The following ZSWIM4 variants were observed in gnomAD, a reference collection of about 807,000 sequenced individuals.
The protein encoded by ZSWIM4 is zinc finger SWIM-type containing 4.
Under a neutral mutation model 102.5 loss-of-function variants are expected in ZSWIM4, and 62 were observed. The observed-to-expected ratio is 0.60, with a 90% CI of 0.49 to 0.75. The LOEUF (loss-of-function observed/expected upper bound fraction) is 0.75, where lower values mean the gene tolerates loss of function less well. Ranked by LOEUF, ZSWIM4 falls within the 30% of genes least tolerant of loss-of-function variation. The probability of loss-of-function intolerance (pLI) is 0.00; values close to 1 mark genes in which losing one functional copy is unlikely to be tolerated. For missense variants in ZSWIM4, 1,280 were observed against 1,529.6 expected, an observed-to-expected ratio of 0.84 and a Z score of 2.72; for synonymous variants, 652 against 674.5, an observed-to-expected ratio of 0.97 and a Z score of 0.52.
intron 3 of ZSWIM4, among the ~76,000 whole-genome samples, chr19:13,806,560 G>A (rs2145280165): frequency 6.6e-6 from 1 of 152,060 alleles, no homozygotes; most frequent in Non-Finnish European, 1.5e-5. Context: ...TAGATACTTG[G>A]GAAGCTGAGA....
At chr19:13,823,266 G>A (rs2071756316) in intron 10 of ZSWIM4, 80 bp from the exon 11 acceptor site, 3 of 1,474,940 alleles carry the variant, frequency 2.0e-6, no homozygotes, top group Non-Finnish European at 9.2e-7. Flanking sequence ...GGGAGGCTGG[G>A]CCAGGAGGCT....
intron 2 of ZSWIM4, among the ~76,000 whole-genome samples, chr19:13,803,620 A>G (rs1475380867): frequency 2.0e-5 from 3 of 151,264 alleles, no homozygotes; most frequent in Non-Finnish European, 2.9e-5. Context: ...CCTGGCCAAT[A>G]TGGTGAAACC....
chr19:13,823,492 C>G lies in ZSWIM4; in HGVS notation c.2207C>G (p.Ala736Gly). ...QCELASTMLT[A>G]AKGDPKWLHT... ...GAACTGGCTTCCACCATGTTGACGG[C>G]CGCCAAGGGTGAGGCTGGCAGCTGT... is the stretch of plus-strand genomic sequence containing the variant. The change falls in exon 11 of 14, where the codon GCC becomes GGC. Residue 736 changes from alanine to glycine, a missense_variant. Physicochemically the swap from Ala to Gly is moderately conservative, Grantham distance 60 (BLOSUM62 0). Coordinates refer to ENST00000590508, the MANE Select transcript of ZSWIM4 (RefSeq NM_001367834.3). 6.4e-7 allele frequency: 1 copy of G among 1,571,380 alleles called. No homozygotes were observed. Among genetic ancestry groups the G allele is most frequent in the South Asian group, 1.2e-5 (1 of 86,110 alleles).
chr19:13,801,115 C>A (rs1295786150), intron 2 of ZSWIM4, among the ~76,000 whole-genome samples: 1 of 149,462 alleles, frequency 6.7e-6, no homozygotes, highest in Non-Finnish European at 1.5e-5. Context: ...CGTACTCCAG[C>A]CTGGGTTACA....
intron 2 of ZSWIM4, among the ~76,000 whole-genome samples, 174 bp downstream of exon 2, chr19:13,800,095 T>G (rs1599578167): frequency 1.8e-5 from 2 of 114,262 alleles, no homozygotes; most frequent in Non-Finnish European, 1.7e-5. Context: ...TGAGACGGAG[T>G]CTCGCTCTTT....
intron 5 of ZSWIM4, 110 bp from the exon 6 acceptor site, chr19:13,812,887 G>A: frequency 8.1e-7 from 1 of 1,235,080 alleles, no homozygotes; most frequent in Non-Finnish European, 1.1e-6. Flanking sequence ...ACTTCCGAGG[G>A]TCGAGGTGAG....
At position 13,812,438 on chromosome 19, in the gene ZSWIM4, G is replaced by C. The variant is rs115213191; in HGVS notation, c.1013-559G>C. 7.5e-3 allele frequency among the ~76,000 whole-genome samples: 1,128 copies of C among 150,840 alleles called. 13 individuals carry two copies. The highest frequency in any genetic ancestry group is 0.026 in the African/African-American group (1,060 of 40,972). On this transcript the variant is annotated intron_variant, in intron 5 of 13. Coordinates refer to ENST00000590508, the MANE Select transcript of ZSWIM4 (RefSeq NM_001367834.3). ...CCTCCCAAGTAGCTAGGACTACAGAGGCCCGGGATGTAATCCCAACTTTTT... is the reference window on the plus strand; with the variant it reads ...CCTCCCAAGTAGCTAGGACTACAGACGCCCGGGATGTAATCCCAACTTTTT...
In ZSWIM4 at chr19:13,799,776, G is replaced by T; in HGVS notation, c.210G>T (p.Trp70Cys). The T allele has an allele frequency of 1.9e-6, 3 of 1,614,066 alleles. No homozygotes were observed. ...PEPVQKRIVF[W>C]SFPRSEREIC... ...CCGTCCAGAAGCGCATCGTGTTTTGGTCGTTTCCACGCAGTGAACGGGAAA... is the reference window on the plus strand; with the variant it reads ...CCGTCCAGAAGCGCATCGTGTTTTGTTCGTTTCCACGCAGTGAACGGGAAA... Residue 70 changes from tryptophan to cysteine, a missense_variant, in exon 2 of 14, where the codon TGG becomes TGT. Trp to Cys is a radical substitution (Grantham distance 215). Coordinates refer to ENST00000590508, the MANE Select transcript of ZSWIM4 (RefSeq NM_001367834.3).
chr19:13,823,735 G>A (rs746040106), intron 11 of ZSWIM4, among the ~76,000 whole-genome samples: 1 of 152,184 alleles, frequency 6.6e-6, no homozygotes, highest in Non-Finnish European at 1.5e-5. Flanking sequence ...AGAGAGTGAT[G>A]CAGTAAATGA....
At chr19:13,812,102 A>G (rs748277125) in intron 5 of ZSWIM4, among the ~76,000 whole-genome samples, 67 of 152,088 alleles carry the variant, frequency 4.4e-4, no homozygotes, top group Non-Finnish European at 7.9e-4. Flanking sequence ...AAACAAGTAC[A>G]AATAAAAAGG....
intron 7 of ZSWIM4, 149 bp from the exon 8 acceptor site, chr19:13,817,067 C>CA (rs111443176): frequency 0.028 from 25,462 of 924,488 alleles, 91 homozygotes; most frequent in African/African-American, 0.074. Context: ...GACCCCACCT[C>CA]AAAAAAAAAA....
intron 9 of ZSWIM4, 103 bp from the exon 10 acceptor site, chr19:13,819,254 A>G (rs114674933): frequency 6.6e-7 from 1 of 1,506,648 alleles, no homozygotes; most frequent in African/African-American, 1.4e-5. Flanking sequence ...CACTCTACCC[A>G]GGGGCCAGCC....
chr19:13,820,977 AAGG>A (rs1975447087), intron 10 of ZSWIM4, among the ~76,000 whole-genome samples: 1 of 151,986 alleles, frequency 6.6e-6, no homozygotes, highest in African/African-American at 2.4e-5. Flanking sequence ...AGATTCACAG[AAGG>A]AGAATATTTG....
At chr19:13,798,850 G>A (rs369778532) in intron 1 of ZSWIM4, among the ~76,000 whole-genome samples, 2 of 152,024 alleles carry the variant, frequency 1.3e-5, no homozygotes, top group South Asian at 2.1e-4. Flanking sequence ...GTGCAATGGC[G>A]CAATCTCGGC....
chr19:13,806,882 CGTGGGTGGGCAGA>C (rs1257407126), intron 3 of ZSWIM4, among the ~76,000 whole-genome samples: 1 of 151,608 alleles, frequency 6.6e-6, no homozygotes, highest in African/African-American at 2.4e-5. Context: ...GGATCAACAT[CGTGGGTGGGCAGA>C]GTGGGTGGGC....
At chr19:13,806,069 G>T (rs1162886156) in intron 3 of ZSWIM4, among the ~76,000 whole-genome samples, 2 of 149,874 alleles carry the variant, frequency 1.3e-5, no homozygotes, top group African/African-American at 4.9e-5. Context: ...TTGAGATGGA[G>T]TCTTCCTCTG....
At chr19:13,806,981 TAATG>T (rs1444631936) in intron 3 of ZSWIM4, among the ~76,000 whole-genome samples, 2 of 151,902 alleles carry the variant, frequency 1.3e-5, no homozygotes, top group Non-Finnish European at 2.9e-5. Flanking sequence ...GATGGTTTGA[TAATG>T]AATGGGTGGT....
intron 1 of ZSWIM4, among the ~76,000 whole-genome samples, chr19:13,799,330 G>A (rs1974694300): frequency 6.9e-6 from 1 of 145,726 alleles, no homozygotes; most frequent in African/African-American, 2.6e-5. Flanking sequence ...CTGGAGTGCA[G>A]TGGCATGATC....
Position 13,825,780 on chromosome 19 carries a change from G to A in ZSWIM4, c.2379+67G>A, listed in dbSNP as rs137896810. On this transcript the variant is annotated intron_variant, in intron 12 of 13. Coordinates refer to ENST00000590508, the MANE Select transcript of ZSWIM4 (RefSeq NM_001367834.3). The surrounding 1 kb of genome is among the most constrained non-coding windows in gnomAD (Gnocchi z 4.6). ...GGGGCCAGGACTGACTGTGAGCTGC[G>A]CCTCCCGGGGCATGGGCTGAGTGTG... is the stretch of plus-strand genomic sequence containing the variant. The A allele has an allele frequency of 9.4e-5, 144 of 1,524,118 alleles. No homozygotes were observed. In the East Asian group the frequency reaches 3.1e-3, roughly 32 times the overall value. 94.4% of individuals were successfully genotyped at this position (1,524,118 alleles called of 1,614,324 possible). A position where few individuals can be genotyped will look rare whatever the true frequency, so the allele number is the denominator to read the frequency against.
Sources: gnomAD v4.1 joint callset for allele counts (sites outside exome capture counted in the v4.1 genomes callset) on GRCh38, gnomAD v4.1.1 for gene constraint, Gnocchi (gnomAD v3.1) non-coding constraint, MANE v1.5 for transcripts, NCBI Gene and HGNC (gene_info 2026-07-23, HGNC 2026-07-21) for gene names.